The following RBBP8 variants were observed in gnomAD, a reference collection of about 807,000 sequenced individuals.
RBBP8 encodes the protein DNA endonuclease RBBP8.
RBBP8 carries 88 observed loss-of-function variants against 108.3 expected under a neutral mutation model. That is an observed-to-expected ratio of 0.81 (90% CI 0.68 to 0.97). The LOEUF (loss-of-function observed/expected upper bound fraction) is 0.97, where lower values mean the gene tolerates loss of function less well. Among genes scored for constraint, RBBP8 ranks in the 50% least tolerant of loss-of-function variants. The pLI is 0.00. For synonymous variants in RBBP8, 332 were observed against 348.2 expected (o/e 0.95, Z 0.52); for missense variants, 1,023 against 1,049.0 (o/e 0.98, Z 0.34).
At chr18:23,009,322 G>A (rs1238609469) in intron 16 of RBBP8, among the ~76,000 whole-genome samples, 2 of 150,984 alleles carry the variant, frequency 1.3e-5, no homozygotes, top group South Asian at 2.1e-4. Context: ...AAAACTTTTT[G>A]TATGCTCTTT....
chr18:22,914,517 T>C (rs1909279144), intron 1 of RBBP8, among the ~76,000 whole-genome samples: 2 of 152,220 alleles, frequency 1.3e-5, no homozygotes, highest in African/African-American at 4.8e-5. Context: ...TTACTATGCT[T>C]TTCTGTAAGT....
At chr18:22,961,561 A>G (rs983271600) in intron 4 of RBBP8, among the ~76,000 whole-genome samples, 3 of 152,346 alleles carry the variant, frequency 2.0e-5, no homozygotes, top group East Asian at 3.9e-4. Flanking sequence ...TTCTAAAGCA[A>G]GCTTGTCTAA....
At chr18:22,947,682 G>A (rs957873779) in intron 3 of RBBP8, among the ~76,000 whole-genome samples, 3 of 152,044 alleles carry the variant, frequency 2.0e-5, no homozygotes, top group African/African-American at 4.8e-5. Flanking sequence ...GAGGTCCAGG[G>A]TAGACCTGTC....
intron 1 of RBBP8, among the ~76,000 whole-genome samples, chr18:22,935,054 T>C (rs539992015): frequency 4.6e-4 from 69 of 150,534 alleles, no homozygotes; most frequent in Non-Finnish European, 8.4e-4. Flanking sequence ...TTCACAATTA[T>C]ATATAGGCCC....
At chr18:22,960,547 A>G (rs139318157) in intron 4 of RBBP8, among the ~76,000 whole-genome samples, 249 of 152,314 alleles carry the variant, frequency 1.6e-3, no homozygotes, top group African/African-American at 5.6e-3. Flanking sequence ...CCCTGTCTCA[A>G]CAAAAAAGAC....
chr18:22,971,665 A>G lies in RBBP8; in HGVS notation c.361+2747A>G, dbSNP rs142072936. The stretch of plus-strand genomic sequence containing the variant: ...TCTTTTTTTTTTTTTTTTTTTTTTG[A>G]GACGGAGTCTCACACTTTCACCTAG... On this transcript the variant is annotated intron_variant, in intron 5 of 18. Coordinates refer to ENST00000327155, the MANE Select transcript of RBBP8 (RefSeq NM_002894.3). 9.3e-3 allele frequency among the ~76,000 whole-genome samples: 634 copies of G among 68,364 alleles called. 8 individuals carry two copies. Among genetic ancestry groups the G allele is most frequent in the African/African-American group, 0.036 (609 of 16,940 alleles). The allele number at this position is 68,364 out of a possible 152,430, so 44.8% of individuals were successfully genotyped here.
chr18:22,935,491 A>T (rs930485754), intron 1 of RBBP8, among the ~76,000 whole-genome samples: 1 of 152,052 alleles, frequency 6.6e-6, no homozygotes, highest in East Asian at 1.9e-4. Flanking sequence ...ATTTTTTAAA[A>T]GTCTAATCAC....
chr18:22,940,152 A>C (rs1187668868), intron 2 of RBBP8, among the ~76,000 whole-genome samples: 1 of 151,980 alleles, frequency 6.6e-6, no homozygotes, highest in Non-Finnish European at 1.5e-5. Flanking sequence ...CCTTGACTTT[A>C]GGACAGATTT....
intron 3 of RBBP8, among the ~76,000 whole-genome samples, chr18:22,927,656 C>T (rs1909841497): frequency 6.6e-6 from 1 of 151,954 alleles, no homozygotes. Context: ...ATATTGATTA[C>T]ATGTTTAAAT....
chr18:22,978,870 G>A (rs1598696900), intron 6 of RBBP8, among the ~76,000 whole-genome samples: 2 of 152,212 alleles, frequency 1.3e-5, no homozygotes, highest in East Asian at 3.8e-4. Context: ...AGTGTGTGAA[G>A]TGATAGATGT....
chr18:22,983,624 C>T (rs1231794691), intron 7 of RBBP8, among the ~76,000 whole-genome samples: 1 of 57,060 alleles, frequency 1.8e-5, no homozygotes, highest in East Asian at 5.5e-4. Flanking sequence ...TCTTTTGTAA[C>T]CAATATAAAT....
At chr18:22,946,148 A>G (rs1911539169) in intron 2 of RBBP8, among the ~76,000 whole-genome samples, 1 of 152,208 alleles carries the variant, frequency 6.6e-6, no homozygotes, top group South Asian at 2.1e-4. Context: ...CTATGTCAGA[A>G]CATAGACCTT....
chr18:22,963,090 T>G (rs979029395), intron 4 of RBBP8, among the ~76,000 whole-genome samples: 1 of 152,036 alleles, frequency 6.6e-6, no homozygotes, highest in African/African-American at 2.4e-5. Flanking sequence ...CATAATTAAG[T>G]TCTCCTTCTT....
chr18:22,980,900 C>T (rs573725189), intron 6 of RBBP8, among the ~76,000 whole-genome samples: 70 of 143,594 alleles, frequency 4.9e-4, no homozygotes, highest in Admixed American at 2.3e-3. Context: ...TATATTTGTA[C>T]GTAGCAATAG....
intron 3 of RBBP8, among the ~76,000 whole-genome samples, chr18:22,919,380 A>C (rs1273758475): frequency 6.6e-6 from 1 of 152,178 alleles, no homozygotes; most frequent in Non-Finnish European, 1.5e-5. Context: ...AATCAACTTT[A>C]ATTTCCTGAA....
intron 5 of RBBP8, among the ~76,000 whole-genome samples, chr18:22,970,428 G>GT (rs1262796202): frequency 1.3e-5 from 2 of 152,040 alleles, no homozygotes; most frequent in South Asian, 4.1e-4. Context: ...ATAAGACAAC[G>GT]TTTTTTTAAA....
rs778186273 is a variant in RBBP8, at chr18:22,982,312, C to T, written c.523C>T (p.Arg175Trp). ...ITAFSFSGVN[R>W]LRRKENPHVR... ...AGCCTTCTCATTTTCTGGCGTTAAC[C>T]GGCTACGAAGAAAGGAGAACCCCCA... Residue 175 changes from arginine to tryptophan, a missense_variant, in exon 7 of 19, where the codon CGG becomes TGG. Coordinates refer to ENST00000327155, the MANE Select transcript of RBBP8 (RefSeq NM_002894.3). 60 of 1,614,006 alleles carry T rather than the reference C, an allele frequency of 3.7e-5. No individual in the cohort carries two copies. The highest frequency in any genetic ancestry group is 4.7e-5 in the Non-Finnish European group (55 of 1,180,004).
chr18:22,947,725 ATTGCATGACTCT>A (rs917243847), intron 3 of RBBP8, among the ~76,000 whole-genome samples: 2 of 152,052 alleles, frequency 1.3e-5, no homozygotes, highest in African/African-American at 4.8e-5. Context: ...TGTTTTTGAA[ATTGCATGACTCT>A]TTTTGCACTG....
chr18:22,950,219 A>G (rs1321843649), intron 4 of RBBP8, among the ~76,000 whole-genome samples: 1 of 152,234 alleles, frequency 6.6e-6, no homozygotes, highest in African/African-American at 2.4e-5. Context: ...AAAGGCTTCC[A>G]GCATTTGCTG....
Sources: gnomAD v4.1 joint callset for allele counts (sites outside exome capture counted in the v4.1 genomes callset) on GRCh38, gnomAD v4.1.1 for gene constraint, MANE v1.5 for transcripts, NCBI Gene and HGNC (gene_info 2026-07-23, HGNC 2026-07-21) for gene names.